Variants in TMEM117 observed in about 807,000 individuals in gnomAD.
TMEM117 encodes the protein transmembrane protein 117.
A neutral mutation model predicts 52.4 loss-of-function variants in TMEM117; 27 were observed. The ratio of observed to expected loss-of-function variants is 0.51; its 90% CI spans 0.38 to 0.71. The LOEUF (loss-of-function observed/expected upper bound fraction) is 0.71, where lower values mean the gene tolerates loss of function less well. Among genes scored for constraint, TMEM117 ranks in the 30% least tolerant of loss-of-function variants. The pLI, the probability that TMEM117 is intolerant of heterozygous loss-of-function variation, is 0.00. For missense variants in TMEM117, 556 were observed against 630.5 expected, an observed-to-expected ratio of 0.88 and a Z score of 1.26; for synonymous variants, 215 against 206.3, an observed-to-expected ratio of 1.04 and a Z score of -0.36.
chr12:44,013,908 G>A (rs1271837862), intron 3 of TMEM117, among the ~76,000 whole-genome samples: 1 of 152,208 alleles, frequency 6.6e-6, no homozygotes, highest in African/African-American at 2.4e-5. Flanking sequence ...TCACTCAGCT[G>A]TTTGCTTGCT....
chr12:43,982,451 G>A (rs1462289073), intron 3 of TMEM117, among the ~76,000 whole-genome samples: 1 of 152,070 alleles, frequency 6.6e-6, no homozygotes, highest in African/African-American at 2.4e-5. Flanking sequence ...TATGGTTACT[G>A]CTAAGAAACC....
At chr12:44,105,157 T>C (rs1416025556) in intron 3 of TMEM117, among the ~76,000 whole-genome samples, 2 of 151,956 alleles carry the variant, frequency 1.3e-5, no homozygotes, top group East Asian at 1.9e-4. Context: ...TTCTGTTTGA[T>C]TTTTTTTCAG....
chr12:44,065,761 C>A (rs1947212537), intron 3 of TMEM117, among the ~76,000 whole-genome samples: 1 of 151,962 alleles, frequency 6.6e-6, no homozygotes. Context: ...ATGAAGAATC[C>A]CACTCGTGTA....
intron 6 of TMEM117, among the ~76,000 whole-genome samples, chr12:44,356,570 T>C (rs1951651932): frequency 2.0e-5 from 3 of 152,140 alleles, no homozygotes; most frequent in Admixed American, 2.0e-4. Flanking sequence ...TATTCCCACC[T>C]GAAGATGTTA....
At chr12:44,178,258 C>T (rs1949143216) in intron 4 of TMEM117, among the ~76,000 whole-genome samples, 1 of 152,170 alleles carries the variant, frequency 6.6e-6, no homozygotes, top group Non-Finnish European at 1.5e-5. Flanking sequence ...GACAACTAAA[C>T]TTTGTCATAT....
intron 3 of TMEM117, among the ~76,000 whole-genome samples, chr12:44,097,429 G>A (rs535115813): frequency 4.0e-5 from 6 of 151,694 alleles, no homozygotes; most frequent in Non-Finnish European, 8.8e-5. Flanking sequence ...TGTTTATTGC[G>A]GCACTATTCA....
intron 2 of TMEM117, among the ~76,000 whole-genome samples, chr12:43,870,119 A>G (rs1592321571): frequency 6.6e-6 from 1 of 152,184 alleles, no homozygotes; most frequent in East Asian, 1.9e-4. Context: ...TTTATGCTGC[A>G]TAGTATTACA....
intron 3 of TMEM117, among the ~76,000 whole-genome samples, chr12:43,972,933 A>G (rs1365343965): frequency 6.6e-6 from 1 of 152,196 alleles, no homozygotes; most frequent in Non-Finnish European, 1.5e-5. Flanking sequence ...TGCTTCTGTG[A>G]TTCAAATGTA....
At chr12:43,865,665 C>G (rs1415686910) in intron 2 of TMEM117, among the ~76,000 whole-genome samples, 2 of 151,286 alleles carry the variant, frequency 1.3e-5, no homozygotes, top group African/African-American at 4.9e-5. Context: ...CCACTGCACT[C>G]CAGCCTGGGT....
intron 3 of TMEM117, among the ~76,000 whole-genome samples, chr12:43,949,297 C>A (rs2137629845): frequency 6.6e-6 from 1 of 152,300 alleles, no homozygotes; most frequent in South Asian, 2.1e-4. Flanking sequence ...CCCCATCTAA[C>A]CTTTGACTTG....
intron 3 of TMEM117, among the ~76,000 whole-genome samples, chr12:44,129,289 C>G (rs1314695511): frequency 6.6e-6 from 1 of 152,138 alleles, no homozygotes; most frequent in Non-Finnish European, 1.5e-5. Context: ...TCCACTTTCC[C>G]CACAGTTTTT....
intron 5 of TMEM117, among the ~76,000 whole-genome samples, chr12:44,239,540 T>A (rs1950036971): frequency 6.6e-6 from 1 of 152,188 alleles, no homozygotes; most frequent in African/African-American, 2.4e-5. Context: ...TTCTTAGCGA[T>A]CTCAATATTC....
intron 4 of TMEM117, among the ~76,000 whole-genome samples, chr12:44,175,845 A>T (rs1464591999): frequency 1.3e-5 from 2 of 152,306 alleles, no homozygotes; most frequent in South Asian, 4.1e-4. Context: ...GGTATACAAA[A>T]TCCTGGACAG....
chr12:44,167,948 G>A (rs2138273579), intron 4 of TMEM117, among the ~76,000 whole-genome samples: 1 of 152,070 alleles, frequency 6.6e-6, no homozygotes, highest in East Asian at 1.9e-4. Flanking sequence ...TATTCAGATA[G>A]GCCAAGTAGA....
At chr12:44,160,081 C>A (rs1948878153) in intron 4 of TMEM117, among the ~76,000 whole-genome samples, 1 of 152,096 alleles carries the variant, frequency 6.6e-6, no homozygotes, top group African/African-American at 2.4e-5. Flanking sequence ...GCCTGGAAAG[C>A]AACATGACAT....
intron 4 of TMEM117, among the ~76,000 whole-genome samples, chr12:44,189,297 T>A (rs1276533569): frequency 6.6e-6 from 1 of 152,218 alleles, no homozygotes; most frequent in Non-Finnish European, 1.5e-5. Context: ...ATATGTTTGC[T>A]AAGAATCTTT....
In TMEM117 at chr12:44,028,212, A is replaced by G. The variant is rs570009311; in HGVS notation, c.410+83870A>G. 4.4e-3 allele frequency among the ~76,000 whole-genome samples: 677 copies of G among 152,298 alleles called. 1 individual carries two copies. Among genetic ancestry groups the G allele is most frequent in the Non-Finnish European group, 7.2e-3 (487 of 68,022 alleles). Reference sequence around the variant, plus strand: ...CGTCTCAAAAACAAAAAGCTGTTTGACTGAGTGTAGATTTTTTTTTAAAGG... The same window carrying G: ...CGTCTCAAAAACAAAAAGCTGTTTGGCTGAGTGTAGATTTTTTTTTAAAGG... On this transcript the variant is annotated intron_variant, in intron 3 of 7. Coordinates refer to ENST00000266534, the MANE Select transcript of TMEM117 (RefSeq NM_032256.3).
intron 3 of TMEM117, among the ~76,000 whole-genome samples, chr12:43,954,413 TAAAG>T (rs915508967): frequency 5.3e-5 from 8 of 151,614 alleles, no homozygotes; most frequent in East Asian, 1.9e-4. Context: ...GTGAGACTAA[TAAAG>T]AAGAAGAGAA....
intron 6 of TMEM117, among the ~76,000 whole-genome samples, chr12:44,305,233 AC>A (rs1161933384): frequency 6.9e-6 from 1 of 145,222 alleles, no homozygotes; most frequent in Non-Finnish European, 1.5e-5. Flanking sequence ...TTCCTTCTTG[AC>A]ATTGGCTTTG....
Sources: allele counts gnomAD v4.1 joint callset (sites outside exome capture counted in the v4.1 genomes callset), GRCh38; gene constraint gnomAD v4.1.1; transcripts MANE v1.5; gene names NCBI Gene and HGNC (gene_info 2026-07-23, HGNC 2026-07-21).